The following UTRN variants were observed in gnomAD, a reference collection of about 807,000 sequenced individuals.
UTRN encodes the protein utrophin, also known as dystrophin-related protein 1.
UTRN carries 283 observed loss-of-function variants against 463.9 expected under a neutral mutation model. The observed-to-expected ratio is 0.61, with a 90% confidence interval of 0.55 to 0.67. The LOEUF is 0.67. UTRN is among the 30% of genes least tolerant of loss of function. The pLI, the probability that UTRN is intolerant of heterozygous loss-of-function variation, is 0.00. For synonymous variants in UTRN, 1,442 were observed against 1,431.5 expected, an observed-to-expected ratio of 1.01 and a Z score of -0.17; for missense variants, 3,922 against 4,084.3, an observed-to-expected ratio of 0.96 and a Z score of 1.08.
chr6:144,602,254 G>A (rs1252503249), intron 51 of UTRN, among the ~76,000 whole-genome samples: 2 of 151,666 alleles, frequency 1.3e-5, no homozygotes, highest in South Asian at 2.1e-4. Flanking sequence ...GCCTCAGCCT[G>A]CTGACTAACT....
Position 144,793,554 on chromosome 6 carries a change from T to A in UTRN, c.8921-280T>A, listed in dbSNP as rs1271280163. 5.9e-5 allele frequency among the ~76,000 whole-genome samples: 9 copies of A among 152,328 alleles called. No homozygotes were observed. In the South Asian group the frequency reaches 1.7e-3, roughly 28 times the overall value. On this transcript the variant is annotated intron_variant, in intron 62 of 74. Transcript: ENST00000367545. ...AAAAAGGAAATTTGCATTTATTGATTTATATTATATATGCATGATTTATGT... is the reference window on the plus strand; with the variant it reads ...AAAAAGGAAATTTGCATTTATTGATATATATTATATATGCATGATTTATGT...
At chr6:144,575,629 A>G (rs1252406974) in intron 50 of UTRN, among the ~76,000 whole-genome samples, 2 of 152,138 alleles carry the variant, frequency 1.3e-5, no homozygotes, top group African/African-American at 4.8e-5. Context: ...TTTTATTATT[A>G]GTTATTATCA....
rs557946123 is a variant in UTRN, at chr6:144,487,797, A to G, written c.3972+100A>G. The G allele has an allele frequency of 1.1e-5, 14 of 1,247,400 alleles. No individual in the cohort carries two copies. The South Asian group carries it at 2.7e-4, about 24-fold the overall frequency. The allele number at this position is 1,247,400 out of a possible 1,614,324, so 77.3% of individuals were successfully genotyped here. On this transcript the variant is annotated intron_variant, in intron 29 of 74. Coordinates refer to ENST00000367545, the MANE Select transcript of UTRN (RefSeq NM_007124.3). ...AGCTTTAATGTTGGAAAAATCTTTA[A>G]TGTTGGTTAAAGTTGGTAACCAATG...
intron 51 of UTRN, among the ~76,000 whole-genome samples, chr6:144,667,296 G>A (rs1297457136): frequency 1.3e-5 from 2 of 152,134 alleles, no homozygotes; most frequent in African/African-American, 4.8e-5. Context: ...GACCTCAGGT[G>A]ACCAACCTGC....
rs373076190 is a variant in UTRN, at chr6:144,851,030, G to A, written c.*33G>A. ...ATCCGGCCAACCAATGTTTCCTGAC[G>A]TACAGTGTTGCCCTTTTCAGCAAAT... On this transcript the variant is annotated 3_prime_UTR_variant, in exon 75 of 75. Transcript: ENST00000367545. The A allele has an allele frequency of 3.9e-5, 63 of 1,613,306 alleles. No individual in the cohort carries two copies. Among genetic ancestry groups the A allele is most frequent in the Admixed American group, 5.0e-5 (3 of 59,972 alleles).
chr6:144,747,973 G>A (rs769485790), intron 54 of UTRN, among the ~76,000 whole-genome samples: 12 of 152,052 alleles, frequency 7.9e-5, no homozygotes, highest in Non-Finnish European at 1.0e-4. Context: ...CATTTCAGTG[G>A]CTTTAGAAAT....
At chr6:144,729,075 C>T (rs761721288) in intron 53 of UTRN, among the ~76,000 whole-genome samples, 12 of 152,028 alleles carry the variant, frequency 7.9e-5, no homozygotes, top group East Asian at 1.9e-4. Context: ...TAACGGGTGG[C>T]GTGTGCATGC....
chr6:144,727,925 T>C (rs972765280), intron 53 of UTRN, among the ~76,000 whole-genome samples: 3 of 151,348 alleles, frequency 2.0e-5, no homozygotes, highest in African/African-American at 7.3e-5. Context: ...CATGGTAAAA[T>C]CCCATCTCTA....
At chr6:144,347,835 T>G (rs1484364595) in intron 2 of UTRN, among the ~76,000 whole-genome samples, 1 of 142,430 alleles carries the variant, frequency 7.0e-6, no homozygotes, top group Non-Finnish European at 1.5e-5. Flanking sequence ...GGCTTATTCT[T>G]TGTTTTTTTT....
intron 52 of UTRN, among the ~76,000 whole-genome samples, chr6:144,685,127 G>A (rs1267327625): frequency 6.6e-6 from 1 of 152,136 alleles, no homozygotes; most frequent in Non-Finnish European, 1.5e-5. Context: ...AGATCATGTA[G>A]TGTTTGGTTT....
In UTRN at chr6:144,429,703, T is replaced by C. The variant is rs1785621065; in HGVS notation, c.817T>C (p.Tyr273His). 1 of 1,611,934 alleles carries C rather than the reference T, an allele frequency of 6.2e-7. No individual in the cohort carries two copies. Among genetic ancestry groups the C allele is most frequent in the Admixed American group, 1.7e-5 (1 of 59,480 alleles). ...IREVETLPRK[Y>H]KKECEEEAIN... Reference sequence around the variant, plus strand: ...TGAGGTAGAGACACTCCCAAGGAAATATAAAAAAGAATGTGAAGAAGAGGC... The same window carrying C: ...TGAGGTAGAGACACTCCCAAGGAAACATAAAAAAGAATGTGAAGAAGAGGC... The change falls in exon 9 of 75, where the codon TAT (tyrosine) becomes CAT (histidine). Residue 273 changes from tyrosine to histidine, a missense_variant. Coordinates refer to ENST00000367545, the MANE Select transcript of UTRN (RefSeq NM_007124.3).
intron 2 of UTRN, among the ~76,000 whole-genome samples, chr6:144,327,921 G>A (rs1776076719): frequency 6.6e-6 from 1 of 152,118 alleles, no homozygotes; most frequent in South Asian, 2.1e-4. Context: ...TCCAGCCTGG[G>A]CAACAAGGGC....
In UTRN at chr6:144,622,181, G is replaced by GTTTT. The variant is rs1290959363; in HGVS notation, c.7479+44895_7479+44896insTTTT. Among the ~76,000 whole-genome samples the GTTTT allele has an allele frequency of 7.6e-4, 56 of 73,698 alleles. 3 individuals are homozygous for GTTTT. The highest frequency in any genetic ancestry group is 2.5e-3 in the African/African-American group (52 of 20,462). The allele number at this position is 73,698 out of a possible 152,430, so 48.3% of individuals were successfully genotyped here. ...CAATAGATGGTATCCATTTTTTTTT[G>GTTTT]TTGTTTTTTTTTTTTTTTTTTTTTG... On this transcript the variant is annotated intron_variant, in intron 51 of 74. Coordinates refer to ENST00000367545, the MANE Select transcript of UTRN (RefSeq NM_007124.3).
At position 144,775,168 on chromosome 6, in the gene UTRN, T is replaced by G. The variant is rs140429764; in HGVS notation, c.8632+804T>G. Among the ~76,000 whole-genome samples, 561 of 152,352 alleles carry G rather than the reference T, an allele frequency of 3.7e-3. 6 individuals carry two copies. The highest frequency in any genetic ancestry group is 5.5e-3 in the Admixed American group (84 of 15,308). ...AATATACGTCTAGGCAGTTCAGTGATGCTTTGAAAATTATGCTTTGAAAAA... is the reference window on the plus strand; with the variant it reads ...AATATACGTCTAGGCAGTTCAGTGAGGCTTTGAAAATTATGCTTTGAAAAA... On this transcript the variant is annotated intron_variant, in intron 60 of 74. Transcript: ENST00000367545.
intron 2 of UTRN, among the ~76,000 whole-genome samples, chr6:144,359,550 T>G (rs1362514103): frequency 6.6e-6 from 1 of 152,230 alleles, no homozygotes; most frequent in Non-Finnish European, 1.5e-5. Flanking sequence ...CATCAGTTTA[T>G]ACAAATATGC....
chr6:144,801,837 C>T (rs1380928037), intron 64 of UTRN, among the ~76,000 whole-genome samples: 2 of 152,148 alleles, frequency 1.3e-5, no homozygotes, highest in Non-Finnish European at 2.9e-5. Flanking sequence ...TCTTCAAAGT[C>T]ACTTCATGCT....
intron 2 of UTRN, among the ~76,000 whole-genome samples, chr6:144,329,950 G>T (rs1466377691): frequency 6.6e-6 from 1 of 152,194 alleles, no homozygotes; most frequent in Admixed American, 6.5e-5. Context: ...ATGGCATCTG[G>T]CCTCTTGAGT....
chr6:144,468,137 T>C (rs1051194209), intron 23 of UTRN, among the ~76,000 whole-genome samples: 11 of 152,094 alleles, frequency 7.2e-5, no homozygotes, highest in African/African-American at 2.7e-4. Flanking sequence ...CCAGAGGTAG[T>C]TGTGTACCTT....
intron 54 of UTRN, among the ~76,000 whole-genome samples, chr6:144,732,905 G>A (rs1456088910): frequency 6.6e-6 from 1 of 152,008 alleles, no homozygotes; most frequent in Non-Finnish European, 1.5e-5. Flanking sequence ...ATCTCATTGT[G>A]TTGCCTAGGT....
Sources: allele counts gnomAD v4.1 joint callset (sites outside exome capture counted in the v4.1 genomes callset), GRCh38; gene constraint gnomAD v4.1.1; transcripts MANE v1.5; gene names NCBI Gene and HGNC (gene_info 2026-07-23, HGNC 2026-07-21).